The following PDE9A variants were observed in gnomAD, a reference collection of about 807,000 sequenced individuals.
The protein encoded by PDE9A is high affinity cGMP-specific 3',5'-cyclic phosphodiesterase 9A.
In PDE9A, 60 loss-of-function variants were observed where a neutral mutation model predicts 87.4. The observed-to-expected ratio is 0.69, with a 90% CI of 0.56 to 0.85. PDE9A has a LOEUF of 0.85. Ranked by LOEUF, PDE9A falls within the 40% of genes least tolerant of loss-of-function variation. The pLI is 0.00. For missense variants in PDE9A, 665 were observed against 779.0 expected (o/e 0.85, Z 1.74); for synonymous variants, 272 against 279.4 (o/e 0.97, Z 0.27).
At chr21:42,744,815 G>C (rs770152031) in intron 8 of PDE9A, among the ~76,000 whole-genome samples, 8 of 152,248 alleles carry the variant, frequency 5.3e-5, no homozygotes, top group Non-Finnish European at 1.2e-4. Flanking sequence ...TAGTAGCAAA[G>C]AGACGGCGGT....
chr21:42,690,061 G>T (rs1479961226), intron 3 of PDE9A: 1 of 984,876 alleles, frequency 1.0e-6, no homozygotes, highest in Non-Finnish European at 1.2e-6. Context: ...AGATGGAGAA[G>T]ATGGAGGTAG....
chr21:42,689,741 A>G (rs2059686694), intron 3 of PDE9A: 3 of 985,464 alleles, frequency 3.0e-6, no homozygotes, highest in African/African-American at 1.7e-5. Context: ...CTGAGCCCAA[A>G]GAGCCCAAAT....
chr21:42,740,622 GATGA>G (rs751005203), intron 7 of PDE9A, among the ~76,000 whole-genome samples: 3,138 of 26,894 alleles, frequency 0.12, 60 homozygotes, highest in East Asian at 0.39. Flanking sequence ...TGGATGGATG[GATGA>G]ATGGATACAT....
intron 1 of PDE9A, among the ~76,000 whole-genome samples, chr21:42,670,159 A>ACACATTCACACG (rs1483028929): frequency 9.8e-6 from 1 of 101,672 alleles, no homozygotes; most frequent in African/African-American, 2.9e-5. Flanking sequence ...ATTCACACGC[A>ACACATTCACACG]CACACATTCA....
At chr21:42,773,662 G>C (rs192177933) in intron 19 of PDE9A, among the ~76,000 whole-genome samples, 1 of 151,842 alleles carries the variant, frequency 6.6e-6, no homozygotes, top group African/African-American at 2.4e-5. Context: ...TTAGCCGGGC[G>C]TGGTGGCGGG....
chr21:42,685,928 A>G (rs1243650727), intron 1 of PDE9A, among the ~76,000 whole-genome samples: 2 of 152,176 alleles, frequency 1.3e-5, no homozygotes, highest in East Asian at 1.9e-4. Context: ...CACCATAACC[A>G]TGTCACGGAC....
intron 4 of PDE9A, among the ~76,000 whole-genome samples, chr21:42,716,345 C>G (rs939422595): frequency 6.6e-6 from 1 of 151,774 alleles, no homozygotes; most frequent in African/African-American, 2.4e-5. Flanking sequence ...TTTTGCATTC[C>G]CAGCAGCAAT....
At chr21:42,771,851 GT>G (rs2057049086) in intron 18 of PDE9A, among the ~76,000 whole-genome samples, 1 of 152,242 alleles carries the variant, frequency 6.6e-6, no homozygotes, top group South Asian at 2.1e-4. Context: ...GACTTCTCCA[GT>G]TGATGTCTCC....
At position 42,653,661 on chromosome 21, in the gene PDE9A, G is replaced by T; in HGVS notation, c.-154G>T. On this transcript the variant is annotated 5_prime_UTR_variant, in exon 1 of 20. Transcript: ENST00000291539. ...TGCGGCGCGCGGCGGCGGCTCCCGGGCGTCCCGGGCCCGGTGGCGGCGCGG... is the reference window on the plus strand; with the variant it reads ...TGCGGCGCGCGGCGGCGGCTCCCGGTCGTCCCGGGCCCGGTGGCGGCGCGG... The T allele has an allele frequency of 5.7e-6, 1 of 176,408 alleles. No homozygotes were observed. The allele number at this position is 176,408 out of a possible 1,614,324, so 10.9% of individuals were successfully genotyped here.
At chr21:42,746,419 C>G (rs140480451) in intron 8 of PDE9A, among the ~76,000 whole-genome samples, 12 of 152,220 alleles carry the variant, frequency 7.9e-5, no homozygotes, top group Non-Finnish European at 1.2e-4. Context: ...AGGGGAGGGA[C>G]CTTCCCGGTC....
intron 4 of PDE9A, among the ~76,000 whole-genome samples, chr21:42,711,203 G>T (rs1255497426): frequency 6.6e-6 from 1 of 150,656 alleles, no homozygotes; most frequent in Non-Finnish European, 1.5e-5. Flanking sequence ...TCCATCCAAT[G>T]TAACAAGTTT....
rs376022583 is a variant in PDE9A, at chr21:42,686,167, G to C, written c.70-25G>C. 1.9e-5 allele frequency: 31 copies of C among 1,601,708 alleles called. No homozygotes were observed. The African/African-American group carries it at 3.7e-4, about 19-fold the overall frequency. ...AGGGAGACCCGCCGCCCTCGCTGCCGCCTCACCGCGCTTCTGTTTTGCAGG... is the reference window on the plus strand; with the variant it reads ...AGGGAGACCCGCCGCCCTCGCTGCCCCCTCACCGCGCTTCTGTTTTGCAGG... On this transcript the variant is annotated intron_variant, in intron 1 of 19. Coordinates refer to ENST00000291539, the MANE Select transcript of PDE9A (RefSeq NM_002606.3).
At chr21:42,735,539 G>A (rs1368042891) in intron 7 of PDE9A, among the ~76,000 whole-genome samples, 1 of 152,176 alleles carries the variant, frequency 6.6e-6, no homozygotes, top group Non-Finnish European at 1.5e-5. Flanking sequence ...TTCCATGCCT[G>A]TCTCCTAGAA....
In PDE9A at chr21:42,696,237, C is replaced by T. The variant is rs375469842; in HGVS notation, c.219-2731C>T. Among the ~76,000 whole-genome samples the T allele has an allele frequency of 6.6e-6, 1 of 152,132 alleles. No homozygotes were observed. ...AGGACACCTTCCTCTGAGTCTCTTG[C>T]GTGGGAGAAGTTGCTGGACACGCCT... On this transcript the variant is annotated intron_variant, in intron 3 of 19. Coordinates refer to ENST00000291539, the MANE Select transcript of PDE9A (RefSeq NM_002606.3). This position sits in a 1 kb window ranked among gnomAD's most constrained non-coding sequence, Gnocchi z 5.1.
intron 3 of PDE9A, chr21:42,697,403 T>G: frequency 6.3e-7 from 1 of 1,590,528 alleles, no homozygotes; most frequent in East Asian, 2.2e-5. Context: ...TTCACTGTGT[T>G]TCTTCTTCCA....
intron 15 of PDE9A, among the ~76,000 whole-genome samples, chr21:42,767,634 A>C (rs2284975): frequency 0.38 from 58,537 of 152,070 alleles, 11,437 homozygotes; most frequent in South Asian, 0.51. Flanking sequence ...CTGTCTAATC[A>C]GCTTCAGAGC....
intron 1 of PDE9A, among the ~76,000 whole-genome samples, chr21:42,667,255 C>T (rs1056368938): frequency 1.3e-5 from 2 of 152,188 alleles, no homozygotes; most frequent in Non-Finnish European, 2.9e-5. Flanking sequence ...TAAGCCTATC[C>T]ATTCAGACAC....
At position 42,682,211 on chromosome 21, in the gene PDE9A, G is replaced by A. The variant is rs138986808; in HGVS notation, c.70-3981G>A. On this transcript the variant is annotated intron_variant, in intron 1 of 19. Coordinates refer to ENST00000291539, the MANE Select transcript of PDE9A (RefSeq NM_002606.3). ...CGAATGGGAACTGGTAAGAAGGTAC[G>A]ACCAGTTCAAAAGAGAAATCCAAGA... Among the ~76,000 whole-genome samples the A allele has an allele frequency of 3.3e-5, 5 of 152,332 alleles. No individual in the cohort carries two copies. The East Asian group carries it at 5.8e-4, about 18-fold the overall frequency.
rs1292663786 is a variant in PDE9A at position 42,704,986 on chromosome 21, G to C, written c.262+5975G>C. On this transcript the variant is annotated intron_variant, in intron 4 of 19. Coordinates refer to ENST00000291539, the MANE Select transcript of PDE9A (RefSeq NM_002606.3). This position sits in a 1 kb window ranked among gnomAD's most constrained non-coding sequence, Gnocchi z 5.3. ...CAAAAACGTGACTTTTCATAGAAAA[G>C]GGAGAATAGGCCAGCCCTGGCCTGG... is the stretch of plus-strand genomic sequence containing the variant. 6.6e-6 allele frequency among the ~76,000 whole-genome samples: 1 copy of C among 152,212 alleles called. No individual in the cohort carries two copies. The highest frequency in any genetic ancestry group is 2.4e-5 in the African/African-American group (1 of 41,454).
Sources: allele counts gnomAD v4.1 joint callset (sites outside exome capture counted in the v4.1 genomes callset), GRCh38; gene constraint gnomAD v4.1.1; non-coding constraint Gnocchi (gnomAD v3.1); transcripts MANE v1.5; gene names NCBI Gene and HGNC (gene_info 2026-07-23, HGNC 2026-07-21).